Variants in RAB8B observed in about 807,000 individuals in gnomAD.
The protein encoded by RAB8B is ras-related protein Rab-8B.
A neutral mutation model predicts 32.0 loss-of-function variants in RAB8B; 11 were observed. That is an observed-to-expected ratio of 0.34 (90% confidence interval 0.22 to 0.57). The LOEUF (loss-of-function observed/expected upper bound fraction) is 0.57, where lower values mean the gene tolerates loss of function less well. Among genes scored for constraint, RAB8B ranks in the 20% least tolerant of loss-of-function variants. RAB8B has a pLI of 0.86. For missense variants in RAB8B, 190 were observed against 258.5 expected (o/e 0.73, Z 1.82); for synonymous variants, 103 against 89.6 (o/e 1.15, Z -0.85).
chr15:63,189,916 G>T (rs928080825), intron 1 of RAB8B, among the ~76,000 whole-genome samples, 168 bp downstream of exon 1: 14 of 151,608 alleles, frequency 9.2e-5, no homozygotes, highest in Non-Finnish European at 1.9e-4. Context: ...GGGCGAGGGC[G>T]TGAGGGAGAG....
At chr15:63,249,992 C>T (rs1247531697) in intron 3 of RAB8B, among the ~76,000 whole-genome samples, 5 of 151,988 alleles carry the variant, frequency 3.3e-5, no homozygotes, top group Admixed American at 6.5e-5. Context: ...AAAAATTAGC[C>T]GGGCGCGGTG....
At chr15:63,210,921 A>G (rs1271377538) in intron 1 of RAB8B, among the ~76,000 whole-genome samples, 1 of 152,236 alleles carries the variant, frequency 6.6e-6, no homozygotes, top group Non-Finnish European at 1.5e-5. Context: ...GGCATTTTCT[A>G]TCAGCATACT....
chr15:63,258,524 C>A (rs1356755293), intron 5 of RAB8B, among the ~76,000 whole-genome samples: 4 of 152,186 alleles, frequency 2.6e-5, no homozygotes, highest in Non-Finnish European at 4.4e-5. Flanking sequence ...CAGCCAGATT[C>A]TTGGCATTTT....
intron 1 of RAB8B, among the ~76,000 whole-genome samples, chr15:63,230,036 T>C (rs1192448802): frequency 2.0e-5 from 3 of 150,898 alleles, no homozygotes; most frequent in Admixed American, 6.6e-5. Context: ...GGGAAAAATA[T>C]GCCATTTGTG....
At chr15:63,192,711 G>C (rs1358889009) in intron 1 of RAB8B, among the ~76,000 whole-genome samples, 1 of 152,172 alleles carries the variant, frequency 6.6e-6, no homozygotes, top group Non-Finnish European at 1.5e-5. Flanking sequence ...GTTTTGATAG[G>C]GGTTCTGTCA....
chr15:63,249,731 C>T (rs912600823), intron 3 of RAB8B, 26 bp downstream of exon 3: 1 of 1,601,044 alleles, frequency 6.2e-7, no homozygotes, highest in Non-Finnish European at 8.5e-7. Flanking sequence ...GGTTTTGTAA[C>T]TCTTCAGGTA....
chr15:63,219,227 G>A (rs1313771634), intron 1 of RAB8B, among the ~76,000 whole-genome samples: 1 of 150,938 alleles, frequency 6.6e-6, no homozygotes, highest in East Asian at 1.9e-4. Context: ...GAACTTGGGA[G>A]GCAGAGATTG....
intron 2 of RAB8B, among the ~76,000 whole-genome samples, chr15:63,249,089 A>G (rs1400881222): frequency 1.3e-5 from 2 of 152,178 alleles, no homozygotes; most frequent in Non-Finnish European, 2.9e-5. Flanking sequence ...CGTTGTCAAG[A>G]TTTATGTGTT....
chr15:63,221,649 C>A (rs1292367101), intron 1 of RAB8B, among the ~76,000 whole-genome samples: 1 of 152,148 alleles, frequency 6.6e-6, no homozygotes. Context: ...CCACCGCTAG[C>A]TGGGGATCCC....
intron 6 of RAB8B, among the ~76,000 whole-genome samples, chr15:63,261,120 T>C (rs928076037): frequency 2.6e-5 from 4 of 152,122 alleles, no homozygotes; most frequent in Admixed American, 1.3e-4. Flanking sequence ...AAGATCTGAA[T>C]AGACATTTCT....
At chr15:63,197,020 T>C (rs1185543591) in intron 1 of RAB8B, among the ~76,000 whole-genome samples, 1 of 152,180 alleles carries the variant, frequency 6.6e-6, no homozygotes, top group Non-Finnish European at 1.5e-5. Context: ...CTGTTAACAG[T>C]TTCATGCCCA....
intron 1 of RAB8B, among the ~76,000 whole-genome samples, chr15:63,214,353 A>G (rs1285903310): frequency 7.6e-6 from 1 of 132,120 alleles, no homozygotes; most frequent in Non-Finnish European, 1.5e-5. Flanking sequence ...GTGCAGGGCC[A>G]TGATCTCGGC....
chr15:63,227,884 T>C (rs1489833753), intron 1 of RAB8B, among the ~76,000 whole-genome samples: 1 of 152,166 alleles, frequency 6.6e-6, no homozygotes, highest in Non-Finnish European at 1.5e-5. Flanking sequence ...TTCTTTTCTT[T>C]TTTCTCTTTT....
At chr15:63,252,344 G>A (rs971963671) in intron 3 of RAB8B, among the ~76,000 whole-genome samples, 6 of 152,130 alleles carry the variant, frequency 3.9e-5, no homozygotes, top group South Asian at 4.1e-4. Context: ...ATGATCAAGC[G>A]TGGAAGAAGT....
rs929213410 is a variant in RAB8B at position 63,248,600 on chromosome 15, C to T, written c.186-1045C>T. ...GCCATAGTTCCTCTGAGCCTGTTTC[C>T]TCATCTGCAGAACTTGGATGCTGGT... On this transcript the variant is annotated intron_variant, in intron 2 of 7. Coordinates refer to ENST00000321437, the MANE Select transcript of RAB8B (RefSeq NM_016530.3). The surrounding 1 kb of genome is among the most constrained non-coding windows in gnomAD (Gnocchi z 4.4). Among the ~76,000 whole-genome samples, 1 of 152,184 alleles carries T rather than the reference C, an allele frequency of 6.6e-6. No individual in the cohort carries two copies. The highest frequency in any genetic ancestry group is 2.4e-5 in the African/African-American group (1 of 41,436).
chr15:63,215,029 C>T (rs962596686), intron 1 of RAB8B, among the ~76,000 whole-genome samples: 1 of 152,178 alleles, frequency 6.6e-6, no homozygotes, highest in Non-Finnish European at 1.5e-5. Flanking sequence ...ATCCCAGACA[C>T]AAGAGATACC....
rs140396826 is a variant in RAB8B at position 63,223,741 on chromosome 15, A to G, written c.125-21015A>G. Reference sequence around the variant, plus strand: ...GACACGTGACTGTACTTGGTTGTTAAGTGACACATGACTGTATTTGATTTC... The same window carrying G: ...GACACGTGACTGTACTTGGTTGTTAGGTGACACATGACTGTATTTGATTTC... On this transcript the variant is annotated intron_variant, in intron 1 of 7. Coordinates refer to ENST00000321437, the MANE Select transcript of RAB8B (RefSeq NM_016530.3). 4.3e-3 allele frequency: 1,091 copies of G among 253,766 alleles called. 16 individuals are homozygous for G. The highest frequency in any genetic ancestry group is 0.023 in the African/African-American group (1,051 of 44,802). 15.7% of individuals were successfully genotyped at this position (253,766 alleles called of 1,614,324 possible). A position where few individuals can be genotyped will look rare whatever the true frequency, so the allele number is the denominator to read the frequency against.
At position 63,217,277 on chromosome 15, in the gene RAB8B, T is replaced by G. The variant is rs141169132; in HGVS notation, c.125-27479T>G. On this transcript the variant is annotated intron_variant, in intron 1 of 7. Coordinates refer to ENST00000321437, the MANE Select transcript of RAB8B (RefSeq NM_016530.3). ...TTAGGATTGTTCTATATAATTACTTTCTTTTTGTGTAAAAGATGCAAAAAT... is the reference window on the plus strand; with the variant it reads ...TTAGGATTGTTCTATATAATTACTTGCTTTTTGTGTAAAAGATGCAAAAAT... Among the ~76,000 whole-genome samples the G allele has an allele frequency of 2.2e-3, 333 of 152,370 alleles. 3 individuals are homozygous for G. Among genetic ancestry groups the G allele is most frequent in the African/African-American group, 7.8e-3 (323 of 41,590 alleles).
intron 1 of RAB8B, among the ~76,000 whole-genome samples, chr15:63,203,873 C>G (rs2037673878): frequency 6.6e-6 from 1 of 151,886 alleles, no homozygotes; most frequent in Non-Finnish European, 1.5e-5. Context: ...TTTTCTGATT[C>G]ATTATCTTCA....
Sources: gnomAD v4.1 joint callset for allele counts (sites outside exome capture counted in the v4.1 genomes callset) on GRCh38, gnomAD v4.1.1 for gene constraint, Gnocchi (gnomAD v3.1) non-coding constraint, MANE v1.5 for transcripts, NCBI Gene and HGNC (gene_info 2026-07-23, HGNC 2026-07-21) for gene names.